Variants in MRPL30 observed in about 807,000 individuals in gnomAD.
MRPL30 encodes mitochondrial ribosomal protein L30, also known as large ribosomal subunit protein uL30m.
A neutral mutation model predicts 17.2 loss-of-function variants in MRPL30; 10 were observed. The ratio of observed to expected loss-of-function variants is 0.58; its 90% CI spans 0.36 to 0.99. The LOEUF (loss-of-function observed/expected upper bound fraction) is 0.99, where lower values mean the gene tolerates loss of function less well. Among genes scored for constraint, MRPL30 ranks in the 50% least tolerant of loss-of-function variants. The pLI is 0.01. For missense variants in MRPL30, 170 were observed against 189.8 expected (o/e 0.90, Z 0.61); for synonymous variants, 61 against 62.1 (o/e 0.98, Z 0.08).
At position 99,199,274 on chromosome 2, in the gene MRPL30, T is replaced by A. The variant is rs1387713489; in HGVS notation, c.*3569T>A. On this transcript the variant is annotated 3_prime_UTR_variant, in exon 6 of 6. Coordinates refer to ENST00000338148, the MANE Select transcript of MRPL30 (RefSeq NM_145212.4). ...AATTACTGTCTAAACCATTTGCCAC[T>A]CTTTGTGTATATTTGTCAAAATCTG... Among the ~76,000 whole-genome samples, 1 of 152,188 alleles carries A rather than the reference T, an allele frequency of 6.6e-6. No homozygotes were observed. The highest frequency in any genetic ancestry group is 1.5e-5 in the Non-Finnish European group (1 of 68,044).
chr2:99,195,453 T>C (rs1354509968), intron 5 of MRPL30, 120 bp from the exon 6 acceptor site: 1 of 1,193,232 alleles, frequency 8.4e-7, no homozygotes, highest in Non-Finnish European at 1.2e-6. Context: ...GTTGGGAACA[T>C]TCAACATCCT....
intron 3 of MRPL30, 22 bp downstream of exon 3, chr2:99,188,279 T>C: frequency 6.4e-7 from 1 of 1,561,780 alleles, no homozygotes; most frequent in Non-Finnish European, 8.7e-7. Flanking sequence ...GTTTGATTTT[T>C]TTAATGTTAG....
At chr2:99,185,167 C>A (rs961277532) in intron 1 of MRPL30, among the ~76,000 whole-genome samples, 5 of 152,084 alleles carry the variant, frequency 3.3e-5, no homozygotes, top group African/African-American at 1.2e-4. Flanking sequence ...GAATCTAATG[C>A]CTGATGATCT....
intron 1 of MRPL30, among the ~76,000 whole-genome samples, 154 bp from the exon 2 acceptor site, chr2:99,186,023 A>G (rs978796673): frequency 6.6e-6 from 1 of 152,254 alleles, no homozygotes; most frequent in Admixed American, 6.5e-5. Context: ...ACATTTATAA[A>G]TTAATTCGTG....
intron 1 of MRPL30, among the ~76,000 whole-genome samples, chr2:99,185,537 T>C (rs2093932576): frequency 6.6e-6 from 1 of 152,196 alleles, no homozygotes; most frequent in African/African-American, 2.4e-5. Context: ...GCTACAGTTG[T>C]TTTGTGTGTA....
chr2:99,190,389 G>A (rs2093942765), intron 3 of MRPL30, among the ~76,000 whole-genome samples: 1 of 151,928 alleles, frequency 6.6e-6, no homozygotes, highest in African/African-American at 2.4e-5. Context: ...GTGAGACTCT[G>A]TATCTACAAA....
At position 99,198,725 on chromosome 2, in the gene MRPL30, A is replaced by G. The variant is rs1021443555; in HGVS notation, c.*3020A>G. Among the ~76,000 whole-genome samples the G allele has an allele frequency of 1.3e-5, 2 of 152,190 alleles. No homozygotes were observed. The highest frequency in any genetic ancestry group is 2.9e-5 in the Non-Finnish European group (2 of 68,036). ...TCCTTTGCCTCATATCATCACTTCA[A>G]AACCCTATAAGGGTTTGTTCCTCGG... On this transcript the variant is annotated 3_prime_UTR_variant, in exon 6 of 6. Coordinates refer to ENST00000338148, the MANE Select transcript of MRPL30 (RefSeq NM_145212.4).
At chr2:99,183,172 G>C (rs982026217) in intron 1 of MRPL30, among the ~76,000 whole-genome samples, 10 of 151,974 alleles carry the variant, frequency 6.6e-5, no homozygotes, top group African/African-American at 2.4e-4. Flanking sequence ...ATCAAACAAG[G>C]GGGGCAGCAT....
At chr2:99,184,083 G>GTTGC (rs3070557) in intron 1 of MRPL30, among the ~76,000 whole-genome samples, 1 of 151,968 alleles carries the variant, frequency 6.6e-6, no homozygotes, top group Non-Finnish European at 1.5e-5. Flanking sequence ...TGAATTTAGG[G>GTTGC]TTATTTATTT....
rs1427093910 is a variant in MRPL30 at position 99,196,348 on chromosome 2, T to G, written c.*643T>G. ...CAGGGTCTTGCTCTGTCACCCAAGC[T>G]GGAATACAGTGGCATGATTTCAGTT... On this transcript the variant is annotated 3_prime_UTR_variant, in exon 6 of 6. Coordinates refer to ENST00000338148, the MANE Select transcript of MRPL30 (RefSeq NM_145212.4). 6.6e-6 allele frequency: 1 copy of G among 152,560 alleles called. No homozygotes were observed. The highest frequency in any genetic ancestry group is 1.5e-5 in the Non-Finnish European group (1 of 68,320). 9.5% of individuals were successfully genotyped at this position (152,560 alleles called of 1,614,324 possible).
rs17022327 is a variant in MRPL30 at position 99,185,449 on chromosome 2, A to C, written c.-27-728A>C. Reference sequence around the variant, plus strand: ...TCTGGGGGAAAAATTGTAACGCACGAATTAAGTAACCTGTCCGAGATATAC... The same window carrying C: ...TCTGGGGGAAAAATTGTAACGCACGCATTAAGTAACCTGTCCGAGATATAC... On this transcript the variant is annotated intron_variant, in intron 1 of 5. Transcript: ENST00000338148. Among the ~76,000 whole-genome samples the C allele has an allele frequency of 6.7e-3, 1,026 of 152,300 alleles. 15 individuals are homozygous for C. Among genetic ancestry groups the C allele is most frequent in the African/African-American group, 0.024 (993 of 41,552 alleles).
At chr2:99,187,782 T>A (rs1453054602) in intron 2 of MRPL30, among the ~76,000 whole-genome samples, 1 of 151,610 alleles carries the variant, frequency 6.6e-6, no homozygotes, top group Non-Finnish European at 1.5e-5. Context: ...GAGCCGAGAT[T>A]GCGCCAGTGC....
At chr2:99,192,732 T>A (rs998676735) in intron 3 of MRPL30, among the ~76,000 whole-genome samples, 9 of 152,240 alleles carry the variant, frequency 5.9e-5, no homozygotes, top group African/African-American at 2.2e-4. Context: ...ATGATTTATA[T>A]TCCTTTGGGT....
In MRPL30 at chr2:99,186,158, T is replaced by C. The variant is rs763822593; in HGVS notation, c.-27-19T>C. On this transcript the variant is annotated intron_variant, in intron 1 of 5. Coordinates refer to ENST00000338148, the MANE Select transcript of MRPL30 (RefSeq NM_145212.4). ...CCAAGACATAGTTGACTGATGGGTC[T>C]ACTTCCTACTTCCCACAGCCTCTAA... 5 of 1,567,292 alleles carry C rather than the reference T, an allele frequency of 3.2e-6. No homozygotes were observed. The highest frequency in any genetic ancestry group is 4.4e-6 in the Non-Finnish European group (5 of 1,138,584).
At position 99,197,886 on chromosome 2, in the gene MRPL30, C is replaced by G. The variant is rs549210184; in HGVS notation, c.*2181C>G. ...CTGGAGCTTCTAATCTCAAATGATT[C>G]TCCTGCCTCAGCCTCCCAAAGTGCT... is the stretch of plus-strand genomic sequence containing the variant. On this transcript the variant is annotated 3_prime_UTR_variant, in exon 6 of 6. Transcript: ENST00000338148. 6.6e-6 allele frequency among the ~76,000 whole-genome samples: 1 copy of G among 152,270 alleles called. No individual in the cohort carries two copies. Among genetic ancestry groups the G allele is most frequent in the South Asian group, 2.1e-4 (1 of 4,828 alleles).
At chr2:99,190,095 A>G (rs2093942074) in intron 3 of MRPL30, among the ~76,000 whole-genome samples, 1 of 152,164 alleles carries the variant, frequency 6.6e-6, no homozygotes, top group African/African-American at 2.4e-5. Flanking sequence ...ACTGCACTCC[A>G]GCCTGGACAA....
chr2:99,191,244 A>T (rs1183052141), intron 3 of MRPL30, among the ~76,000 whole-genome samples: 3 of 152,076 alleles, frequency 2.0e-5, no homozygotes, highest in African/African-American at 7.2e-5. Flanking sequence ...TGACCTCGTG[A>T]TCCACCCCCC....
At chr2:99,185,151 T>C (rs566304528) in intron 1 of MRPL30, among the ~76,000 whole-genome samples, 1 of 152,328 alleles carries the variant, frequency 6.6e-6, no homozygotes, top group South Asian at 2.1e-4. Flanking sequence ...TGCATGCTCC[T>C]TATAAGAATC....
Position 99,195,709 on chromosome 2 carries a change from C to T in MRPL30, c.*4C>T. The T allele has an allele frequency of 1.2e-6, 2 of 1,609,440 alleles. No homozygotes were observed. Among genetic ancestry groups the T allele is most frequent in the Admixed American group, 3.4e-5 (2 of 58,598 alleles). On this transcript the variant is annotated 3_prime_UTR_variant, in exon 6 of 6. Coordinates refer to ENST00000338148, the MANE Select transcript of MRPL30 (RefSeq NM_145212.4). The stretch of plus-strand genomic sequence containing the variant: ...GCAGAAAGCACATGAGTCCTAATGC[C>T]CCAGCAGCTTCCGATTGGAAAATGC...
Sources: gnomAD v4.1 joint callset for allele counts (sites outside exome capture counted in the v4.1 genomes callset) on GRCh38, gnomAD v4.1.1 for gene constraint, MANE v1.5 for transcripts, NCBI Gene and HGNC (gene_info 2026-07-23, HGNC 2026-07-21) for gene names.